APLF: variants seen among roughly 807,000 people sequenced by gnomAD.
APLF encodes aprataxin and PNKP like factor.
Under a neutral mutation model 55.6 loss-of-function variants are expected in APLF, and 61 were observed. That is an observed-to-expected ratio of 1.10 (90% CI 0.89 to 1.36). APLF has a LOEUF of 1.36. Among genes scored for constraint, APLF ranks in the 40% most tolerant of loss-of-function variants. The probability of loss-of-function intolerance (pLI) is 0.00; values close to 1 mark genes in which losing one functional copy is unlikely to be tolerated. For synonymous variants in APLF, 207 were observed against 214.8 expected (o/e 0.96, Z 0.32); for missense variants, 611 against 602.5 (o/e 1.01, Z -0.15).
At position 68,538,062 on chromosome 2, in the gene APLF, AG is replaced by A; in HGVS notation, c.998del (p.Gly333AlafsTer104). ...MSCSENCSSA[Q>X]GDSLQDESQG... ...TGTTCTGAAAATTGTTCGAGTGCCCAGGGCGACTCACTTCAGGATGAGTCTC... is the reference window on the plus strand; with the variant it reads ...TGTTCTGAAAATTGTTCGAGTGCCCAGGCGACTCACTTCAGGATGAGTCTC... On this transcript the variant is annotated frameshift_variant, in exon 7 of 10. Transcript: ENST00000303795. LOFTEE classifies it high-confidence loss of function. 1 of 1,614,182 alleles carries A rather than the reference AG, an allele frequency of 6.2e-7. No individual in the cohort carries two copies.
intron 8 of APLF, among the ~76,000 whole-genome samples, chr2:68,565,445 G>A (rs529790802): frequency 6.6e-6 from 1 of 151,922 alleles, no homozygotes; most frequent in Non-Finnish European, 1.5e-5. Context: ...GGATAACAGA[G>A]TGAGACCTGT....
In APLF at chr2:68,578,031, T is replaced by G. The variant is rs1354675509; in HGVS notation, c.*9T>G. The G allele has an allele frequency of 1.9e-6, 3 of 1,609,394 alleles. No homozygotes were observed. The highest frequency in any genetic ancestry group is 2.5e-6 in the Non-Finnish European group (3 of 1,177,920). ...TTATGAAAAGAAAATAGTAACTAAC[T>G]TCTGTAGTCATATCTGCCTTACATT... is the stretch of plus-strand genomic sequence containing the variant. On this transcript the variant is annotated 3_prime_UTR_variant, in exon 10 of 10. Coordinates refer to ENST00000303795, the MANE Select transcript of APLF (RefSeq NM_173545.3).
Position 68,577,901 on chromosome 2 carries a change from A to C in APLF, c.1415A>C (p.Glu472Ala). 1 of 1,613,686 alleles carries C rather than the reference A, an allele frequency of 6.2e-7. No homozygotes were observed. The highest frequency in any genetic ancestry group is 8.5e-7 in the Non-Finnish European group (1 of 1,179,706). The change falls in exon 10 of 10, where the codon GAG becomes GCG. Residue 472 changes from glutamate (E) to alanine (A), a missense_variant. Physicochemically the swap from Glu to Ala is moderately radical, Grantham distance 107 (BLOSUM62 -1). Transcript: ENST00000303795. Reference sequence around the variant, plus strand: ...CTGAACGACAGCTTTCTAGATGATGAGGAAGAAGACTATGAGCCAACAGAT... The same window carrying C: ...CTGAACGACAGCTTTCTAGATGATGCGGAAGAAGACTATGAGCCAACAGAT... ...YDLNDSFLDDEEEDYEPTDED... is the reference protein window; with the variant it reads ...YDLNDSFLDDAEEDYEPTDED...
chr2:68,580,040 C>T lies in APLF; in HGVS notation c.*2018C>T. The T allele has an allele frequency of 1.1e-6, 1 of 909,060 alleles. No individual in the cohort carries two copies. Among genetic ancestry groups the T allele is most frequent in the African/African-American group, 1.8e-5 (1 of 55,752 alleles). 56.3% of individuals were successfully genotyped at this position (909,060 alleles called of 1,614,324 possible). A position where few individuals can be genotyped will look rare whatever the true frequency, so the allele number is the denominator to read the frequency against. On this transcript the variant is annotated 3_prime_UTR_variant, in exon 10 of 10. Transcript: ENST00000303795. ...ATATTTAATATCAAAGGATATTCTTCGTAGTAATGTAATAGTTCATGGTAG... is the reference window on the plus strand; with the variant it reads ...ATATTTAATATCAAAGGATATTCTTTGTAGTAATGTAATAGTTCATGGTAG...
At chr2:68,494,289 A>G (rs1206004750) in intron 2 of APLF, among the ~76,000 whole-genome samples, 1 of 147,030 alleles carries the variant, frequency 6.8e-6, no homozygotes, top group Non-Finnish European at 1.5e-5. Flanking sequence ...AAAAAAAAAA[A>G]AAAAAAAAAA....
At chr2:68,569,727 G>C (rs990245478) in intron 9 of APLF, among the ~76,000 whole-genome samples, 6 of 152,138 alleles carry the variant, frequency 3.9e-5, no homozygotes, top group Non-Finnish European at 5.9e-5. Context: ...CATGAACATG[G>C]AGAGGTTGGA....
chr2:68,472,670 G>T (rs1348982083), intron 1 of APLF, among the ~76,000 whole-genome samples: 1 of 152,104 alleles, frequency 6.6e-6, no homozygotes, highest in African/African-American at 2.4e-5. Context: ...GGTGTGTTGG[G>T]ACAGTTAGAA....
intron 8 of APLF, among the ~76,000 whole-genome samples, chr2:68,547,540 T>C (rs1475202147): frequency 6.6e-6 from 1 of 151,654 alleles, no homozygotes; most frequent in East Asian, 1.9e-4. Context: ...TACTTCAAAA[T>C]AGGCTTATAT....
In APLF at chr2:68,482,529, G is replaced by A. The variant is rs189680249; in HGVS notation, c.97-7661G>A. Among the ~76,000 whole-genome samples, 205 of 152,242 alleles carry A rather than the reference G, an allele frequency of 1.3e-3. 5 individuals are homozygous for A. The highest frequency in any genetic ancestry group is 0.013 in the Admixed American group (203 of 15,294). ...TTGGAGACAGGGTCACTGAGGGCAG[G>A]GCTGCTAGGCTACTTCTCAGGCTGA... is the stretch of plus-strand genomic sequence containing the variant. On this transcript the variant is annotated intron_variant, in intron 1 of 9. Coordinates refer to ENST00000303795, the MANE Select transcript of APLF (RefSeq NM_173545.3).
intron 1 of APLF, among the ~76,000 whole-genome samples, chr2:68,482,002 G>A (rs1675974579): frequency 1.3e-5 from 2 of 151,050 alleles, no homozygotes. Context: ...TTATTTTTCT[G>A]ATTTTGGTAA....
chr2:68,579,160 A>T lies in APLF; in HGVS notation c.*1138A>T, dbSNP rs1354813860. The T allele has an allele frequency of 8.8e-6, 7 of 792,694 alleles. No homozygotes were observed. The highest frequency in any genetic ancestry group is 1.1e-5 in the Non-Finnish European group (7 of 654,638). The allele number at this position is 792,694 out of a possible 1,614,324, so 49.1% of individuals were successfully genotyped here. On this transcript the variant is annotated 3_prime_UTR_variant, in exon 10 of 10. Coordinates refer to ENST00000303795, the MANE Select transcript of APLF (RefSeq NM_173545.3). Reference sequence around the variant, plus strand: ...AAAATTTATATCTTAAAAGATCAAAACATATTTATAATAATATTTTCTCAT... The same window carrying T: ...AAAATTTATATCTTAAAAGATCAAATCATATTTATAATAATATTTTCTCAT...
intron 5 of APLF, among the ~76,000 whole-genome samples, chr2:68,521,010 T>C: frequency 6.6e-6 from 1 of 152,090 alleles, no homozygotes. Context: ...TGTTTTGTAC[T>C]TTTCCTTGTA....
intron 1 of APLF, among the ~76,000 whole-genome samples, chr2:68,489,181 T>C (rs1186715142): frequency 1.3e-5 from 2 of 152,252 alleles, no homozygotes; most frequent in Admixed American, 6.5e-5. Context: ...GTGGAACAGC[T>C]ATCTGGTTAA....
chr2:68,471,734 A>G (rs1675623615), intron 1 of APLF, among the ~76,000 whole-genome samples: 1 of 152,200 alleles, frequency 6.6e-6, no homozygotes, highest in Non-Finnish European at 1.5e-5. Flanking sequence ...AGATATAATC[A>G]CTGATTTTTA....
At chr2:68,551,098 T>G (rs1670847400) in intron 8 of APLF, among the ~76,000 whole-genome samples, 1 of 152,138 alleles carries the variant, frequency 6.6e-6, no homozygotes, top group African/African-American at 2.4e-5. Context: ...TTTTAAATTT[T>G]TAAAGGCTGT....
At chr2:68,468,029 G>T (rs1675487786) in intron 1 of APLF, among the ~76,000 whole-genome samples, 1 of 152,200 alleles carries the variant, frequency 6.6e-6, no homozygotes, top group Non-Finnish European at 1.5e-5. Context: ...AACACTGACT[G>T]TATTACCATT....
At chr2:68,574,390 CAT>C (rs1401429477) in intron 9 of APLF, among the ~76,000 whole-genome samples, 2 of 152,170 alleles carry the variant, frequency 1.3e-5, no homozygotes, top group East Asian at 1.9e-4. Context: ...AAGATAATCA[CAT>C]GTCAGCATTT....
At chr2:68,493,151 G>T (rs1676422743) in intron 2 of APLF, among the ~76,000 whole-genome samples, 1 of 152,142 alleles carries the variant, frequency 6.6e-6, no homozygotes, top group African/African-American at 2.4e-5. Context: ...ACTAATTGAT[G>T]ATCTGTCTTA....
intron 1 of APLF, among the ~76,000 whole-genome samples, chr2:68,483,864 A>G (rs1025559506): frequency 3.3e-5 from 5 of 152,188 alleles, no homozygotes; most frequent in Non-Finnish European, 5.9e-5. Context: ...GATATATTAT[A>G]CCTGTCTATG....
Sources: gnomAD v4.1 joint callset for allele counts (sites outside exome capture counted in the v4.1 genomes callset) on GRCh38, gnomAD v4.1.1 for gene constraint, MANE v1.5 for transcripts, NCBI Gene and HGNC (gene_info 2026-07-23, HGNC 2026-07-21) for gene names.